Variants in GAB4 observed in about 807,000 individuals in gnomAD.
GAB4 encodes the protein GRB2-associated-binding protein 4.
In GAB4, 26 loss-of-function variants were observed where a neutral mutation model predicts 51.3. The observed-to-expected ratio is 0.51, with a 90% CI of 0.37 to 0.70. The LOEUF (loss-of-function observed/expected upper bound fraction) is 0.70. Ranked by LOEUF, GAB4 falls within the 30% of genes least tolerant of loss-of-function variation. GAB4 has a pLI of 0.00. For synonymous variants in GAB4, 329 were observed against 291.2 expected, an observed-to-expected ratio of 1.13 and a Z score of -1.32; for missense variants, 759 against 734.6, an observed-to-expected ratio of 1.03 and a Z score of -0.38.
chr22:16,969,444 G>T (rs1379325677), intron 4 of GAB4, among the ~76,000 whole-genome samples: 1 of 152,256 alleles, frequency 6.6e-6, no homozygotes, highest in Non-Finnish European at 1.5e-5. Flanking sequence ...AGCCTCCAGT[G>T]CTGGGGGACC....
chr22:16,966,039 A>G, intron 6 of GAB4, 61 bp downstream of exon 6: 1 of 1,500,950 alleles, frequency 6.7e-7, no homozygotes, highest in East Asian at 2.3e-5. Context: ...GATCCACCTG[A>G]CACCTAAGCG....
At chr22:17,005,469 A>G (rs2061033072) in intron 1 of GAB4, among the ~76,000 whole-genome samples, 1 of 152,240 alleles carries the variant, frequency 6.6e-6, no homozygotes, top group Admixed American at 6.5e-5. Flanking sequence ...TCAAGCTACC[A>G]TTGACTTTCT....
chr22:16,982,596 C>A (rs1345770901), intron 3 of GAB4, among the ~76,000 whole-genome samples: 2 of 152,162 alleles, frequency 1.3e-5, no homozygotes, highest in South Asian at 2.1e-4. Flanking sequence ...ACCTAATCTG[C>A]AGAATCAATG....
chr22:17,001,388 T>C (rs1438170600), intron 1 of GAB4, among the ~76,000 whole-genome samples: 2 of 152,222 alleles, frequency 1.3e-5, no homozygotes, highest in Admixed American at 6.5e-5. Flanking sequence ...TTTCATTCAT[T>C]TGATCTTCAA....
chr22:16,965,471 C>A (rs760438477), intron 6 of GAB4, among the ~76,000 whole-genome samples: 1 of 152,148 alleles, frequency 6.6e-6, no homozygotes, highest in African/African-American at 2.4e-5. Context: ...GATTCCAGAT[C>A]GTATGCTCCT....
chr22:16,979,815 T>C (rs1181286462), intron 3 of GAB4, among the ~76,000 whole-genome samples: 3 of 152,104 alleles, frequency 2.0e-5, no homozygotes, highest in African/African-American at 7.2e-5. Context: ...AAAACAGATA[T>C]ACTGACCAAT....
intron 5 of GAB4, 80 bp downstream of exon 5, chr22:16,968,218 G>A (rs2060697740): frequency 2.1e-6 from 2 of 974,104 alleles, no homozygotes; most frequent in East Asian, 4.8e-5. Flanking sequence ...CACCCTTTGG[G>A]GGATGTGCTT....
chr22:16,968,881 C>A (rs1405358634), intron 4 of GAB4, among the ~76,000 whole-genome samples: 1 of 152,186 alleles, frequency 6.6e-6, no homozygotes, highest in African/African-American at 2.4e-5. Flanking sequence ...TCCAGGACCT[C>A]AGGGTGAGGC....
chr22:16,986,975 A>C (rs2060873259), intron 3 of GAB4, among the ~76,000 whole-genome samples: 1 of 152,222 alleles, frequency 6.6e-6, no homozygotes, highest in African/African-American at 2.4e-5. Flanking sequence ...CCTGGGTTCT[A>C]GTCCCGCCTC....
chr22:16,984,078 T>C (rs114813226), intron 3 of GAB4, among the ~76,000 whole-genome samples: 3,055 of 152,174 alleles, frequency 0.02, 103 homozygotes, highest in African/African-American at 0.07. Context: ...TAATAGAATA[T>C]ATAAGGAACT....
intron 3 of GAB4, among the ~76,000 whole-genome samples, chr22:16,970,584 T>C (rs1212548922): frequency 1.3e-5 from 2 of 152,096 alleles, no homozygotes; most frequent in East Asian, 3.9e-4. Flanking sequence ...GGCTACTGGT[T>C]CCCTGCTGTG....
chr22:16,989,623 G>A (rs1355975471), intron 2 of GAB4, among the ~76,000 whole-genome samples: 4 of 152,206 alleles, frequency 2.6e-5, no homozygotes, highest in Non-Finnish European at 4.4e-5. Context: ...CAAAAGACCT[G>A]CAAGATGAAT....
intron 1 of GAB4, among the ~76,000 whole-genome samples, chr22:17,007,610 G>C (rs569574657): frequency 1.3e-5 from 2 of 152,248 alleles, no homozygotes; most frequent in South Asian, 4.1e-4. Context: ...GCCTGGGAGG[G>C]AAGGGGAGCG....
intron 3 of GAB4, among the ~76,000 whole-genome samples, chr22:16,977,037 G>A (rs1601260687): frequency 6.6e-6 from 1 of 152,238 alleles, no homozygotes; most frequent in African/African-American, 2.4e-5. Context: ...AACATGGGAA[G>A]GAAAAACCAG....
intron 3 of GAB4, among the ~76,000 whole-genome samples, chr22:16,980,999 G>T (rs1259146973): frequency 2.0e-5 from 3 of 152,006 alleles, no homozygotes; most frequent in Admixed American, 2.0e-4. Context: ...ACACATCGGG[G>T]CCTGTCAAGG....
chr22:17,004,323 T>C (rs2061021934), intron 1 of GAB4, among the ~76,000 whole-genome samples: 1 of 152,172 alleles, frequency 6.6e-6, no homozygotes, highest in Non-Finnish European at 1.5e-5. Flanking sequence ...CCCTAACTCA[T>C]TTTATGAGGC....
intron 3 of GAB4, among the ~76,000 whole-genome samples, chr22:16,974,843 G>A (rs745665861): frequency 9.2e-5 from 14 of 152,130 alleles, no homozygotes; most frequent in East Asian, 1.9e-4. Context: ...GTTAGACAGC[G>A]GGTGCAGCCC....
chr22:16,966,271 T>C lies in GAB4; in HGVS notation c.1117A>G (p.Lys373Glu), dbSNP rs751186854. The change falls in exon 6 of 10, where the codon AAG (lysine) becomes GAG (glutamate). Residue 373 changes from lysine to glutamate, a missense_variant. Physicochemically the swap from Lys to Glu is moderately conservative, Grantham distance 56 (BLOSUM62 1). Transcript: ENST00000400588. ...NPGSPTLPAV[K>E]QAGDDSQGVC... ...CCCTGGGAATCATCGCCTGCTTGCT[T>C]CACAGCCGGCAGGGTAGGGGAGCCT... 1 of 1,613,722 alleles carries C rather than the reference T, an allele frequency of 6.2e-7. No homozygotes were observed. Among genetic ancestry groups the C allele is most frequent in the South Asian group, 1.1e-5 (1 of 91,076 alleles).
Position 16,999,605 on chromosome 22 carries a change from T to C in GAB4, c.175-7429A>G, listed in dbSNP as rs187329347. Among the ~76,000 whole-genome samples the C allele has an allele frequency of 9.3e-4, 141 of 152,340 alleles. 3 individuals carry two copies. Among genetic ancestry groups the C allele is most frequent in the Admixed American group, 9.1e-3 (139 of 15,296 alleles). On this transcript the variant is annotated intron_variant, in intron 1 of 9. Transcript: ENST00000400588. Reference sequence around the variant, plus strand: ...TCAAAAAACCAGCTCCTGGATTAATTGATTTTTTGAAGGGTTTTTGGTGTC... The same window carrying C: ...TCAAAAAACCAGCTCCTGGATTAATCGATTTTTTGAAGGGTTTTTGGTGTC...
Sources: gnomAD v4.1 joint callset for allele counts (sites outside exome capture counted in the v4.1 genomes callset) on GRCh38, gnomAD v4.1.1 for gene constraint, MANE v1.5 for transcripts, NCBI Gene and HGNC (gene_info 2026-07-23, HGNC 2026-07-21) for gene names.